The following UNC13C variants were observed in gnomAD, a reference collection of about 807,000 sequenced individuals.
UNC13C encodes the protein protein unc-13 homolog C.
In UNC13C, 174 loss-of-function variants were observed where a neutral mutation model predicts 245.4. The ratio of observed to expected loss-of-function variants is 0.71; its 90% CI spans 0.63 to 0.80. The LOEUF is 0.80. Ranked by LOEUF, UNC13C falls within the 30% of genes least tolerant of loss-of-function variation. UNC13C has a pLI of 0.00. For synonymous variants in UNC13C, 992 were observed against 895.1 expected (o/e 1.11, Z -1.93); for missense variants, 2,829 against 2,602.9 (o/e 1.09, Z -1.89).
At chr15:54,429,538 C>A (rs1463618443) in intron 19 of UNC13C, among the ~76,000 whole-genome samples, 1 of 151,634 alleles carries the variant, frequency 6.6e-6, no homozygotes, top group Non-Finnish European at 1.5e-5. Flanking sequence ...TTTCTCCCAT[C>A]ATTTCTTTAA....
At chr15:53,944,047 C>T in the UNC13C span, among the ~76,000 whole-genome samples, 1 of 151,916 alleles carries the variant, frequency 6.6e-6, no homozygotes, top group Non-Finnish European at 1.5e-5. Context: ...ATAATTGTGT[C>T]ATGTTTTTAA....
intron 2 of UNC13C, among the ~76,000 whole-genome samples, chr15:54,067,718 C>T (rs754757966): frequency 1.1e-4 from 16 of 152,176 alleles, no homozygotes; most frequent in South Asian, 4.1e-4. Flanking sequence ...TTCAGACTTA[C>T]GTCATTAGCC....
rs114060839 is a variant in UNC13C at position 54,388,807 on chromosome 15, C to T, written c.4714-4241C>T. On this transcript the variant is annotated intron_variant, in intron 17 of 32. Transcript: ENST00000260323. ...AGTAATCTAATTTATTCCATAATTTCGGCTGCCACATATATACTGGAATTT... is the reference window on the plus strand; with the variant it reads ...AGTAATCTAATTTATTCCATAATTTTGGCTGCCACATATATACTGGAATTT... Among the ~76,000 whole-genome samples, 1,389 of 152,074 alleles carry T rather than the reference C, an allele frequency of 9.1e-3. 18 individuals carry two copies. The highest frequency in any genetic ancestry group is 0.032 in the African/African-American group (1,332 of 41,466).
intron 13 of UNC13C, among the ~76,000 whole-genome samples, chr15:54,311,040 G>A (rs1005952465): frequency 6.6e-6 from 1 of 151,632 alleles, no homozygotes; most frequent in Non-Finnish European, 1.5e-5. Context: ...TTGGTACTAG[G>A]AGCTACCTTC....
chr15:53,900,161 G>A, the UNC13C span, among the ~76,000 whole-genome samples: 3 of 151,766 alleles, frequency 2.0e-5, no homozygotes, highest in African/African-American at 4.8e-5. Context: ...ATTAATGAGG[G>A]ACTAGAATGA....
chr15:53,976,061 TA>T (rs1311095133), upstream of UNC13C, among the ~76,000 whole-genome samples: 1 of 152,166 alleles, frequency 6.6e-6, no homozygotes, highest in Non-Finnish European at 1.5e-5. Context: ...AGGTACTCAG[TA>T]GTGAAAACTA....
chr15:54,278,771 G>A (rs1453010224), intron 10 of UNC13C, among the ~76,000 whole-genome samples: 1 of 152,000 alleles, frequency 6.6e-6, no homozygotes, highest in Non-Finnish European at 1.5e-5. Flanking sequence ...TGAAATTCTT[G>A]ACATTTGACC....
At chr15:54,030,805 A>G (rs944870302) in intron 2 of UNC13C, among the ~76,000 whole-genome samples, 3 of 152,208 alleles carry the variant, frequency 2.0e-5, no homozygotes, top group Non-Finnish European at 2.9e-5. Context: ...CAGGTGGCAG[A>G]AGGAGGAAGT....
chr15:54,170,172 G>T (rs2033341505), intron 4 of UNC13C, among the ~76,000 whole-genome samples: 1 of 151,918 alleles, frequency 6.6e-6, no homozygotes, highest in Non-Finnish European at 1.5e-5. Context: ...AGAAAAGCTT[G>T]TCTCTATTGT....
At chr15:53,983,086 T>C (rs1231650376) in intron 1 of UNC13C, among the ~76,000 whole-genome samples, 5 of 152,164 alleles carry the variant, frequency 3.3e-5, no homozygotes. Flanking sequence ...CTGCACATTT[T>C]GTATAAGGCT....
chr15:53,854,357 G>A, the UNC13C span, among the ~76,000 whole-genome samples: 5 of 152,044 alleles, frequency 3.3e-5, no homozygotes, highest in African/African-American at 1.2e-4. Context: ...TTAACCTCGT[G>A]ATCCACCTGC....
intron 14 of UNC13C, among the ~76,000 whole-genome samples, chr15:54,326,267 G>C (rs2038295520): frequency 6.6e-6 from 1 of 152,108 alleles, no homozygotes; most frequent in Non-Finnish European, 1.5e-5. Flanking sequence ...AATGGTTGCA[G>C]AGGGGAAGGG....
chr15:54,504,393 C>A (rs1244285193), intron 22 of UNC13C, among the ~76,000 whole-genome samples: 1 of 152,000 alleles, frequency 6.6e-6, no homozygotes, highest in Non-Finnish European at 1.5e-5. Context: ...TCTTCACAAC[C>A]ATCTAATTAA....
chr15:54,127,654 A>G (rs1234942117), intron 2 of UNC13C, among the ~76,000 whole-genome samples: 2 of 151,088 alleles, frequency 1.3e-5, no homozygotes, highest in South Asian at 2.1e-4. Flanking sequence ...ATGTATACCT[A>G]TGTAACAAAC....
rs1477201943 is a variant in UNC13C, at chr15:54,015,063, T to G, written c.2160T>G (p.Ser720=). ...ESYDLTQDDN[S]SPCPGLDNEP... ...ACGACTTAACTCAAGATGACAATTC[T>G]TCTCCATGCCCTGGCTTGGATAATG... The change falls in exon 2 of 33, where the codon TCT becomes TCG. Residue 720 remains serine, a synonymous_variant. Coordinates refer to ENST00000260323, the MANE Select transcript of UNC13C (RefSeq NM_001080534.3). 2.5e-6 allele frequency: 4 copies of G among 1,612,970 alleles called. No individual in the cohort carries two copies. The highest frequency in any genetic ancestry group is 3.4e-6 in the Non-Finnish European group (4 of 1,179,480).
At chr15:54,259,752 GCTGA>G (rs2036376661) in intron 8 of UNC13C, among the ~76,000 whole-genome samples, 1 of 152,168 alleles carries the variant, frequency 6.6e-6, no homozygotes, top group Non-Finnish European at 1.5e-5. Context: ...CTTGCTTTAT[GCTGA>G]CTATGTAAGT....
intron 19 of UNC13C, among the ~76,000 whole-genome samples, chr15:54,433,469 C>T (rs567899245): frequency 6.6e-6 from 1 of 152,136 alleles, no homozygotes; most frequent in East Asian, 1.9e-4. Flanking sequence ...ATAAACAGAA[C>T]CAATGACAAA....
At chr15:54,180,811 G>A (rs12593171) in intron 4 of UNC13C, among the ~76,000 whole-genome samples, 26,515 of 151,734 alleles carry the variant, frequency 0.17, 2,699 homozygotes, top group East Asian at 0.24. Context: ...TGGTCTGCTC[G>A]TATCTTTGGT....
chr15:54,549,818 A>G, intron 28 of UNC13C, 127 bp downstream of exon 28: 2 of 613,046 alleles, frequency 3.3e-6, no homozygotes, highest in Non-Finnish European at 5.6e-6. Flanking sequence ...TGATTTCACA[A>G]TCTGCTTTAG....
Sources: allele counts gnomAD v4.1 joint callset (sites outside exome capture counted in the v4.1 genomes callset), GRCh38; gene constraint gnomAD v4.1.1; transcripts MANE v1.5; gene names NCBI Gene and HGNC (gene_info 2026-07-23, HGNC 2026-07-21).